The following PTPRK variants were observed in gnomAD, a reference collection of about 807,000 sequenced individuals.
The protein encoded by PTPRK is protein tyrosine phosphatase receptor type K.
A neutral mutation model predicts 178.0 loss-of-function variants in PTPRK; 75 were observed. The observed-to-expected ratio is 0.42, with a 90% confidence interval of 0.35 to 0.51. PTPRK has a LOEUF of 0.51. PTPRK is among the 20% of genes least tolerant of loss of function. PTPRK has a pLI of 0.02. For synonymous variants in PTPRK, 637 were observed against 620.6 expected, an observed-to-expected ratio of 1.03 and a Z score of -0.39; for missense variants, 1,441 against 1,797.8, an observed-to-expected ratio of 0.80 and a Z score of 3.59.
intron 7 of PTPRK, among the ~76,000 whole-genome samples, chr6:128,126,547 C>T (rs1793406413): frequency 6.6e-6 from 1 of 152,106 alleles, no homozygotes; most frequent in Non-Finnish European, 1.5e-5. Context: ...AGTGCAGTGG[C>T]ATGATCATGG....
intron 1 of PTPRK, among the ~76,000 whole-genome samples, chr6:128,437,021 C>T (rs1421605072): frequency 6.6e-6 from 1 of 152,062 alleles, no homozygotes; most frequent in Non-Finnish European, 1.5e-5. Flanking sequence ...GTATTCCTAC[C>T]ATCAGAGGCA....
At chr6:128,089,234 G>T (rs1194184847) in intron 8 of PTPRK, among the ~76,000 whole-genome samples, 4 of 152,154 alleles carry the variant, frequency 2.6e-5, no homozygotes, top group African/African-American at 9.7e-5. Context: ...AAAGTGCTGG[G>T]ATTACAGGCA....
chr6:128,089,789 G>A lies in PTPRK; in HGVS notation c.1366C>T (p.His456Tyr), dbSNP rs1295496390. ...DPKAPQHVVN[H>Y]LPPYTNVSLK... ...CTGACATTTGTATAAGGTGGCAGAT[G>A]GTTCACAACATGCTGAGGGGCTTTG... is the stretch of plus-strand genomic sequence containing the variant. Residue 456 changes from histidine (H) to tyrosine (Y), a missense_variant, in exon 8 of 30, where the codon CAT (histidine) becomes TAT (tyrosine). Around this residue, in one of 4 missense-constraint regions of PTPRK, gnomAD observed 945 missense variants for 1,080.6 expected, o/e 0.87. Coordinates refer to ENST00000368226, the MANE Select transcript of PTPRK (RefSeq NM_002844.4). 6.2e-7 allele frequency: 1 copy of A among 1,613,688 alleles called. No homozygotes were observed.
At chr6:128,177,754 T>C (rs1464992141) in intron 7 of PTPRK, among the ~76,000 whole-genome samples, 3 of 151,834 alleles carry the variant, frequency 2.0e-5, no homozygotes, top group Non-Finnish European at 2.9e-5. Context: ...ATGACTCTTA[T>C]GCTGGGAACT....
chr6:127,972,850 T>G (rs540755116), intron 29 of PTPRK, among the ~76,000 whole-genome samples, 172 bp downstream of exon 29: 1 of 102,166 alleles, frequency 9.8e-6, no homozygotes, highest in East Asian at 2.0e-4. Flanking sequence ...CGTGATTAAG[T>G]GTCTGTGGGT....
intron 14 of PTPRK, among the ~76,000 whole-genome samples, chr6:128,005,656 G>A (rs1017728427): frequency 4.0e-3 from 4 of 1,012 alleles, no homozygotes; most frequent in Admixed American, 0.013. Flanking sequence ...GAAATAACAT[G>A]ACTAACTTTT....
intron 1 of PTPRK, among the ~76,000 whole-genome samples, chr6:128,515,068 T>C (rs951757409): frequency 6.6e-6 from 1 of 152,196 alleles, no homozygotes; most frequent in East Asian, 1.9e-4. Context: ...CTATTCAGAG[T>C]TCACACTGAT....
intron 7 of PTPRK, among the ~76,000 whole-genome samples, chr6:128,155,507 G>T (rs540308397): frequency 5.9e-4 from 90 of 151,516 alleles, no homozygotes; most frequent in African/African-American, 1.9e-3. Flanking sequence ...GAATATGTTG[G>T]TTTCCTACTA....
intron 2 of PTPRK, among the ~76,000 whole-genome samples, chr6:128,383,078 A>G (rs974475456): frequency 1.3e-5 from 2 of 152,176 alleles, no homozygotes; most frequent in Non-Finnish European, 2.9e-5. Flanking sequence ...GTCAAAGAGA[A>G]CAGAAGAAAT....
chr6:128,438,096 C>T (rs1029315407), intron 1 of PTPRK, among the ~76,000 whole-genome samples: 1 of 152,234 alleles, frequency 6.6e-6, no homozygotes, highest in East Asian at 1.9e-4. Flanking sequence ...GGTATATAAA[C>T]GGCCCCACGC....
At chr6:128,473,579 T>A (rs1190215189) in intron 1 of PTPRK, among the ~76,000 whole-genome samples, 4 of 152,004 alleles carry the variant, frequency 2.6e-5, no homozygotes, top group African/African-American at 9.7e-5. Context: ...AAGTGGTAAT[T>A]TTCCTAATTG....
Position 128,112,332 on chromosome 6 carries a change from A to G in PTPRK, c.1163-22340T>C, listed in dbSNP as rs184593777. Among the ~76,000 whole-genome samples, 408 of 152,240 alleles carry G rather than the reference A, an allele frequency of 2.7e-3. 2 individuals are homozygous for G. The highest frequency in any genetic ancestry group is 9.0e-3 in the African/African-American group (375 of 41,576). ...TAAAAACTGCATGCATGGCTAGTAC[A>G]TATGATACAGTTTCTTTAAGTGAAT... On this transcript the variant is annotated intron_variant, in intron 7 of 29. Coordinates refer to ENST00000368226, the MANE Select transcript of PTPRK (RefSeq NM_002844.4).
intron 13 of PTPRK, among the ~76,000 whole-genome samples, chr6:128,059,559 A>G (rs1282612528): frequency 6.6e-6 from 1 of 152,132 alleles, no homozygotes; most frequent in Non-Finnish European, 1.5e-5. Context: ...TCTTCTAAGT[A>G]TGTGATTACA....
At chr6:128,294,044 T>A (rs568800978) in intron 3 of PTPRK, among the ~76,000 whole-genome samples, 50 of 152,234 alleles carry the variant, frequency 3.3e-4, no homozygotes, top group Non-Finnish European at 2.9e-4. Flanking sequence ...TTGCTTTTTT[T>A]ATACTTCCCC....
intron 1 of PTPRK, among the ~76,000 whole-genome samples, chr6:128,402,781 T>C (rs1404853907): frequency 6.6e-6 from 1 of 152,218 alleles, no homozygotes; most frequent in Non-Finnish European, 1.5e-5. Context: ...TCCAAGTAGA[T>C]ACAAGTAACA....
At position 128,491,912 on chromosome 6, in the gene PTPRK, A is replaced by G. The variant is rs116166200; in HGVS notation, c.100+28347T>C. ...CTTCACGGCAGGAAGAATACTTGGC[A>G]ATGAAACTTCCCCTGGGAATTGATT... is the stretch of plus-strand genomic sequence containing the variant. On this transcript the variant is annotated intron_variant, in intron 1 of 29. Coordinates refer to ENST00000368226, the MANE Select transcript of PTPRK (RefSeq NM_002844.4). The G allele has an allele frequency of 1.3e-3, 594 of 457,410 alleles. 1 individual carries two copies. Among genetic ancestry groups the G allele is most frequent in the African/African-American group, 0.011 (533 of 50,260 alleles). 28.3% of individuals were successfully genotyped at this position (457,410 alleles called of 1,614,324 possible).
chr6:128,454,574 A>T (rs1377445518), intron 1 of PTPRK, among the ~76,000 whole-genome samples: 1 of 152,158 alleles, frequency 6.6e-6, no homozygotes, highest in East Asian at 1.9e-4. Context: ...ATTTACAACC[A>T]TCATTATTGT....
rs3190930 is a variant in PTPRK, at chr6:127,970,054, C to G, written c.*173G>C. On this transcript the variant is annotated 3_prime_UTR_variant, in exon 30 of 30. Coordinates refer to ENST00000368226, the MANE Select transcript of PTPRK (RefSeq NM_002844.4). ...ATATAGTAATAAAAACTAATTCAGTCCTTTTTATTAAGATACACAACTTCA... is the reference window on the plus strand; with the variant it reads ...ATATAGTAATAAAAACTAATTCAGTGCTTTTTATTAAGATACACAACTTCA... The G allele has an allele frequency of 4.0e-6, 2 of 495,222 alleles. No homozygotes were observed. Among genetic ancestry groups the G allele is most frequent in the Non-Finnish European group, 7.1e-6 (2 of 280,876 alleles). The allele number at this position is 495,222 out of a possible 1,614,324, so 30.7% of individuals were successfully genotyped here.
chr6:128,352,835 T>C (rs181041988), intron 2 of PTPRK, among the ~76,000 whole-genome samples: 135 of 152,352 alleles, frequency 8.9e-4, no homozygotes, highest in African/African-American at 3.1e-3. Flanking sequence ...GAAAATGATA[T>C]GCTAGTTGAA....
Sources: gnomAD v4.1 joint callset for allele counts (sites outside exome capture counted in the v4.1 genomes callset) on GRCh38, gnomAD v4.1.1 for gene constraint, gnomAD v4.1.1 regional missense constraint, MANE v1.5 for transcripts, NCBI Gene and HGNC (gene_info 2026-07-23, HGNC 2026-07-21) for gene names.